RGS5: variants seen among roughly 807,000 people sequenced by gnomAD.
RGS5 encodes the protein regulator of G protein signaling 5.
RGS5 carries 20 observed loss-of-function variants against 18.9 expected under a neutral mutation model. That is an observed-to-expected ratio of 1.06 (90% CI 0.74 to 1.54). RGS5 has a LOEUF of 1.54. Among genes scored for constraint, RGS5 ranks in the 40% most tolerant of loss-of-function variants. The pLI is 0.00. For missense variants in RGS5, 201 were observed against 211.8 expected, an observed-to-expected ratio of 0.95 and a Z score of 0.32; for synonymous variants, 57 against 76.2, an observed-to-expected ratio of 0.75 and a Z score of 1.31.
chr1:163,317,153 T>C (rs1650049352), intron 1 of RGS5, among the ~76,000 whole-genome samples: 1 of 152,144 alleles, frequency 6.6e-6, no homozygotes, highest in South Asian at 2.1e-4. Flanking sequence ...GCTAGACATG[T>C]TTAAAACTGA....
Position 163,147,294 on chromosome 1 carries a change from T to C in RGS5, c.*48A>G. 2.0e-6 allele frequency: 3 copies of C among 1,533,520 alleles called. No individual in the cohort carries two copies. Among genetic ancestry groups the C allele is most frequent in the Non-Finnish European group, 2.6e-6 (3 of 1,138,686 alleles). 95.0% of individuals were successfully genotyped at this position (1,533,520 alleles called of 1,614,324 possible). ...TAGATTAATGGGAAATGCAGGGTTATTATGGAGGAAATAACTCACAGGATG... is the reference window on the plus strand; with the variant it reads ...TAGATTAATGGGAAATGCAGGGTTACTATGGAGGAAATAACTCACAGGATG... On this transcript the variant is annotated 3_prime_UTR_variant, in exon 5 of 5. Transcript: ENST00000313961.
intron 2 of RGS5, among the ~76,000 whole-genome samples, chr1:163,298,925 GAAATA>G (rs1649489677): frequency 6.6e-6 from 1 of 152,126 alleles, no homozygotes; most frequent in African/African-American, 2.4e-5. Flanking sequence ...GAAGATGCTG[GAAATA>G]AAATAAAATC....
upstream of RGS5, among the ~76,000 whole-genome samples, chr1:163,203,506 A>C (rs2101663577): frequency 6.6e-6 from 1 of 152,356 alleles, no homozygotes; most frequent in South Asian, 2.1e-4. Context: ...AGGAAGCACC[A>C]GGCAAGGTTT....
upstream of RGS5, among the ~76,000 whole-genome samples, chr1:163,222,359 G>A (rs1006021691): frequency 6.6e-6 from 1 of 152,098 alleles, no homozygotes; most frequent in African/African-American, 2.4e-5. Flanking sequence ...ATGATCTGAG[G>A]AGGAACAGTT....
chr1:163,285,491 C>A (rs765742844), intron 2 of RGS5, among the ~76,000 whole-genome samples: 26 of 151,978 alleles, frequency 1.7e-4, no homozygotes, highest in Non-Finnish European at 3.5e-4. Context: ...GGAGACTGCA[C>A]CATTGCACTC....
At chr1:163,246,622 A>C (rs1647950303) in intron 2 of RGS5, among the ~76,000 whole-genome samples, 1 of 152,074 alleles carries the variant, frequency 6.6e-6, no homozygotes, top group South Asian at 2.1e-4. Context: ...AAAACAAAAC[A>C]ATACCCAAGC....
chr1:163,289,905 C>G (rs1649236417), intron 2 of RGS5, among the ~76,000 whole-genome samples: 1 of 152,080 alleles, frequency 6.6e-6, no homozygotes, highest in African/African-American at 2.4e-5. Context: ...CATAGGTAAG[C>G]AAGCTAAAAG....
At chr1:163,180,524 G>A (rs907770675) in intron 1 of RGS5, among the ~76,000 whole-genome samples, 1 of 151,948 alleles carries the variant, frequency 6.6e-6, no homozygotes, top group Non-Finnish European at 1.5e-5. Flanking sequence ...TTAAAACACA[G>A]AGAGCTGGGC....
rs114292403 is a variant in RGS5 at position 163,183,497 on chromosome 1, T to C, written c.45-15129A>G. Among the ~76,000 whole-genome samples the C allele has an allele frequency of 2.8e-3, 427 of 152,352 alleles. 4 individuals carry two copies. Among genetic ancestry groups the C allele is most frequent in the African/African-American group, 8.8e-3 (366 of 41,586 alleles). ...CTTTTATTGAGATGCAGCTGTGATA[T>C]GGCAGAAAGAGCCCTTGGTTTTGAA... On this transcript the variant is annotated intron_variant, in intron 1 of 4. Transcript: ENST00000313961.
chr1:163,203,295 C>T (rs563387485), upstream of RGS5, among the ~76,000 whole-genome samples: 2 of 152,218 alleles, frequency 1.3e-5, no homozygotes, highest in African/African-American at 2.4e-5. Flanking sequence ...TCCTGGAGAT[C>T]GTTTAGCCCA....
chr1:163,216,352 C>A (rs1660217319), intron 1 of RGS5, among the ~76,000 whole-genome samples: 1 of 152,100 alleles, frequency 6.6e-6, no homozygotes, highest in East Asian at 1.9e-4. Context: ...CCTAGTGAAA[C>A]CTCTTGGCCT....
intron 1 of RGS5, among the ~76,000 whole-genome samples, chr1:163,200,986 C>G (rs1316854106): frequency 6.6e-6 from 1 of 152,094 alleles, no homozygotes; most frequent in Non-Finnish European, 1.5e-5. Flanking sequence ...TATGAGAAAA[C>G]ATAGAGCAAA....
At chr1:163,156,269 G>A (rs1249471359) in intron 3 of RGS5, among the ~76,000 whole-genome samples, 1 of 151,966 alleles carries the variant, frequency 6.6e-6, no homozygotes, top group Non-Finnish European at 1.5e-5. Context: ...TTATCTGATG[G>A]GGTTGTGCTA....
intron 4 of RGS5, among the ~76,000 whole-genome samples, chr1:163,148,006 C>T (rs114164209): frequency 0.021 from 2,939 of 141,530 alleles, 45 homozygotes; most frequent in Non-Finnish European, 0.029. Context: ...TGGTTCACTG[C>T]AACCTCTGCC....
intron 1 of RGS5, among the ~76,000 whole-genome samples, chr1:163,185,953 G>A (rs1659049003): frequency 6.6e-6 from 1 of 152,042 alleles, no homozygotes; most frequent in South Asian, 2.1e-4. Flanking sequence ...ATTCAACCTG[G>A]TCTCATGTCA....
At chr1:163,218,272 T>C (rs1341436041), upstream of RGS5, among the ~76,000 whole-genome samples, 1 of 152,226 alleles carries the variant, frequency 6.6e-6, no homozygotes. Flanking sequence ...AACTGAAATT[T>C]AGCATTTCCT....
intron 2 of RGS5, among the ~76,000 whole-genome samples, chr1:163,257,252 T>A (rs970783957): frequency 7.9e-5 from 12 of 152,060 alleles, no homozygotes; most frequent in Non-Finnish European, 1.5e-4. Flanking sequence ...TATTTCTATC[T>A]GGGCAAGTGA....
At chr1:163,228,837 T>C (rs12738391) in intron 2 of RGS5, among the ~76,000 whole-genome samples, 23,580 of 152,190 alleles carry the variant, frequency 0.15, 2,161 homozygotes, top group Non-Finnish European at 0.2. Context: ...ATGCCACCAG[T>C]CTCTTTGCTA....
upstream of RGS5, among the ~76,000 whole-genome samples, chr1:163,206,513 CT>C (rs1659958399): frequency 6.6e-6 from 1 of 152,032 alleles, no homozygotes; most frequent in African/African-American, 2.4e-5. Flanking sequence ...GTACTATGAT[CT>C]GAACGTTTCC....
Sources: allele counts gnomAD v4.1 joint callset (sites outside exome capture counted in the v4.1 genomes callset), GRCh38; gene constraint gnomAD v4.1.1; transcripts MANE v1.5; gene names NCBI Gene and HGNC (gene_info 2026-07-23, HGNC 2026-07-21).